The following SMPX variants were observed in gnomAD, a reference collection of about 807,000 sequenced individuals.
The protein encoded by SMPX is small muscular protein.
A neutral mutation model predicts 6.3 loss-of-function variants in SMPX; 2 were observed. That is an observed-to-expected ratio of 0.32 (90% confidence interval 0.13 to 0.99). The LOEUF is 0.99. SMPX is among the 50% of genes least tolerant of loss of function. The probability of loss-of-function intolerance (pLI) is 0.49; values close to 1 mark genes in which losing one functional copy is unlikely to be tolerated. For missense variants in SMPX, 60 were observed against 66.8 expected, an observed-to-expected ratio of 0.90 and a Z score of 0.36; for synonymous variants, 32 against 24.7, an observed-to-expected ratio of 1.30 and a Z score of -0.88.
intron 4 of SMPX, among the ~76,000 whole-genome samples, chrX:21,707,700 C>T (rs1355569355): frequency 4.4e-5 from 5 of 112,426 alleles, no homozygotes; most frequent in Non-Finnish European, 9.4e-5. Context: ...AAAGGTATCA[C>T]GTTTTTGCTT....
At chrX:21,756,383 C>G (rs2092833014) in intron 1 of SMPX, among the ~76,000 whole-genome samples, 1 of 111,909 alleles carries the variant, frequency 8.9e-6, no homozygotes, top group Non-Finnish European at 1.9e-5. Context: ...ACCTCTGAGC[C>G]TCAAGAATGG....
At chrX:21,711,258 C>T (rs1231122367) in intron 4 of SMPX, among the ~76,000 whole-genome samples, 1 of 111,433 alleles carries the variant, frequency 9.0e-6, no homozygotes, top group Non-Finnish European at 1.9e-5. Flanking sequence ...GGAAGGGATC[C>T]AGAGCTAAAA....
At chrX:21,731,489 GTATGTGTACACATACACAT>G (rs2092803658) in intron 4 of SMPX, among the ~76,000 whole-genome samples, 1 of 80,414 alleles carries the variant, frequency 1.2e-5, no homozygotes, top group African/African-American at 4.8e-5. Flanking sequence ...CATTATGTGT[GTATGTGTACACATACACAT>G]TATGTGTGTA....
At chrX:21,749,394 T>C (rs60097387) in intron 2 of SMPX, among the ~76,000 whole-genome samples, 1,811 of 112,011 alleles carry the variant, frequency 0.016, 30 homozygotes, top group African/African-American at 0.056. Flanking sequence ...ATGCTGACAC[T>C]GTTTCTAAAG....
intron 4 of SMPX, among the ~76,000 whole-genome samples, chrX:21,710,639 T>A (rs2092777653): frequency 9.0e-6 from 1 of 111,397 alleles, no homozygotes; most frequent in African/African-American, 3.3e-5. Context: ...TTTAGGAAAA[T>A]AAATGCATGG....
At chrX:21,731,962 T>A (rs974969335) in intron 4 of SMPX, among the ~76,000 whole-genome samples, 2 of 110,499 alleles carry the variant, frequency 1.8e-5, no homozygotes, top group Non-Finnish European at 3.8e-5. Context: ...CCAATTATTA[T>A]CATTAGATTG....
chrX:21,716,437 T>C (rs1282499086), intron 4 of SMPX, among the ~76,000 whole-genome samples: 1 of 112,106 alleles, frequency 8.9e-6, no homozygotes, highest in Admixed American at 9.5e-5. Context: ...GCTTTCCACT[T>C]ATGCTACCTT....
intron 2 of SMPX, among the ~76,000 whole-genome samples, chrX:21,752,603 C>T (rs761833272): frequency 1.7e-3 from 189 of 110,698 alleles, no homozygotes; most frequent in Non-Finnish European, 2.5e-3. Flanking sequence ...CAGCAACCTC[C>T]GCCTCCCAGG....
chrX:21,752,776 CAA>C (rs912151982), intron 2 of SMPX, among the ~76,000 whole-genome samples: 6 of 111,562 alleles, frequency 5.4e-5, no homozygotes, highest in African/African-American at 2.0e-4. Context: ...CTCAGCCTCC[CAA>C]AGTGCTGGGA....
At chrX:21,714,855 C>A (rs1454414380) in intron 4 of SMPX, among the ~76,000 whole-genome samples, 1 of 112,418 alleles carries the variant, frequency 8.9e-6, no homozygotes, top group Non-Finnish European at 1.9e-5. Context: ...AAGGTGTTAG[C>A]ATTTTGCTTT....
intron 3 of SMPX, among the ~76,000 whole-genome samples, chrX:21,739,461 T>A (rs2092813927): frequency 1.8e-5 from 2 of 112,191 alleles, no homozygotes; most frequent in Non-Finnish European, 3.8e-5. Flanking sequence ...ATGTGGACTA[T>A]ACCTGCTGTA....
At chrX:21,730,106 A>G (rs1427673199) in intron 4 of SMPX, among the ~76,000 whole-genome samples, 1 of 112,252 alleles carries the variant, frequency 8.9e-6, no homozygotes, top group East Asian at 2.8e-4. Flanking sequence ...TCAGCATAAA[A>G]CCATTTCCTT....
At chrX:21,754,401 C>T in intron 1 of SMPX, 99 bp from the exon 2 acceptor site, 1 of 650,486 alleles carries the variant, frequency 1.5e-6, no homozygotes, top group South Asian at 2.2e-5. Context: ...GCAGTCACCC[C>T]TTTCACTGGC....
chrX:21,751,466 T>A (rs2092827357), intron 2 of SMPX, among the ~76,000 whole-genome samples: 1 of 112,084 alleles, frequency 8.9e-6, no homozygotes, highest in South Asian at 3.7e-4. Flanking sequence ...CATTTAACCT[T>A]CATAGTAATC....
chrX:21,738,265 C>G (rs1176371269), intron 3 of SMPX, among the ~76,000 whole-genome samples: 2 of 111,612 alleles, frequency 1.8e-5, no homozygotes, highest in Non-Finnish European at 3.8e-5. Context: ...GGACCCACAT[C>G]CTATCCTTTC....
In SMPX at chrX:21,748,064, G is replaced by C. The variant is rs955693766; in HGVS notation, c.46-4228C>G. On this transcript the variant is annotated intron_variant, in intron 2 of 4. Coordinates refer to ENST00000379494, the MANE Select transcript of SMPX (RefSeq NM_014332.3). Reference sequence around the variant, plus strand: ...ATCTTTACAGAAGACTTCAGAAAGAGGTTTGTTTTTTCATAACGGATTAGA... The same window carrying C: ...ATCTTTACAGAAGACTTCAGAAAGACGTTTGTTTTTTCATAACGGATTAGA... Among the ~76,000 whole-genome samples, 12 of 112,130 alleles carry C rather than the reference G, an allele frequency of 1.1e-4. No individual in the cohort carries two copies. In the East Asian group the frequency reaches 2.2e-3, roughly 21 times the overall value.
At chrX:21,731,570 A>ATGTGTATATATACACATTATGTGTG (rs1569306615) in intron 4 of SMPX, among the ~76,000 whole-genome samples, 1 of 40,126 alleles carries the variant, frequency 2.5e-5, no homozygotes, top group South Asian at 1.3e-3. Flanking sequence ...CATTATGTGT[A>ATGTGTATATATACACATTATGTGTG]TATGTGTATA....
chrX:21,715,728 TTTGCCCCCCACCCCGTGG>T (rs1432058426), intron 4 of SMPX, among the ~76,000 whole-genome samples: 2 of 110,647 alleles, frequency 1.8e-5, no homozygotes, highest in Non-Finnish European at 3.8e-5. Flanking sequence ...GAGAATGATT[TTTGCCCCCCACCCCGTGG>T]TGGGCATTTG....
intron 2 of SMPX, among the ~76,000 whole-genome samples, chrX:21,753,048 A>T (rs1309939086): frequency 8.9e-6 from 1 of 111,865 alleles, no homozygotes. Context: ...CAAAGGCTCA[A>T]GGATGTCCAC....
Sources: allele counts gnomAD v4.1 joint callset (sites outside exome capture counted in the v4.1 genomes callset), GRCh38; gene constraint gnomAD v4.1.1; transcripts MANE v1.5; gene names NCBI Gene and HGNC (gene_info 2026-07-23, HGNC 2026-07-21).